DIP2B: variants seen among roughly 807,000 people sequenced by gnomAD.
The protein encoded by DIP2B is DIP2 acetate--CoA ligase B (putative).
In DIP2B, 76 loss-of-function variants were observed where a neutral mutation model predicts 198.0. The observed-to-expected ratio is 0.38, with a 90% CI of 0.32 to 0.46. The LOEUF (loss-of-function observed/expected upper bound fraction) is 0.46. Among genes scored for constraint, DIP2B ranks in the 20% least tolerant of loss-of-function variants. The probability of loss-of-function intolerance (pLI) is 0.99; values close to 1 mark genes in which losing one functional copy is unlikely to be tolerated. For missense variants in DIP2B, 1,559 were observed against 1,978.4 expected, an observed-to-expected ratio of 0.79 and a Z score of 4.02; for synonymous variants, 701 against 739.1, an observed-to-expected ratio of 0.95 and a Z score of 0.84.
At chr12:50,693,112 T>A in intron 14 of DIP2B, 99 bp downstream of exon 14, 3 of 1,189,976 alleles carry the variant, frequency 2.5e-6, no homozygotes, top group African/African-American at 1.6e-5. Flanking sequence ...GTTTGAAATT[T>A]AAATCCCCAA....
At chr12:50,729,114 C>T (rs1444715771) in intron 30 of DIP2B, among the ~76,000 whole-genome samples, 2 of 152,182 alleles carry the variant, frequency 1.3e-5, no homozygotes, top group Non-Finnish European at 2.9e-5. Context: ...TTGCAGAATA[C>T]AGATCCCAGC....
Position 50,505,024 on chromosome 12 carries a change from G to GCGGCGGCGGCGGCGGCGGCGGCGGCGC in DIP2B, c.-117_-116insCGGCGGCGGCGGCGGCGGCGGCGGCGC. 9.3e-7 allele frequency: 1 copy of GCGGCGGCGGCGGCGGCGGCGGCGGCGC among 1,076,116 alleles called. No homozygotes were observed. The allele number at this position is 1,076,116 out of a possible 1,614,324, so 66.7% of individuals were successfully genotyped here. A position where few individuals can be genotyped will look rare whatever the true frequency, so the allele number is the denominator to read the frequency against. On this transcript the variant is annotated 5_prime_UTR_variant, in exon 1 of 38. Coordinates refer to ENST00000301180, the MANE Select transcript of DIP2B (RefSeq NM_173602.3). Reference sequence around the variant, plus strand: ...CATGGCGGCGGCGGCGGCGGCGGCGGTGCTGGTGGTGCTCGGCGGCCGGAG... The same window carrying GCGGCGGCGGCGGCGGCGGCGGCGGCGC: ...CATGGCGGCGGCGGCGGCGGCGGCGGCGGCGGCGGCGGCGGCGGCGGCGGCGCTGCTGGTGGTGCTCGGCGGCCGGAG...
chr12:50,590,629 A>G (rs573048807), intron 1 of DIP2B, among the ~76,000 whole-genome samples: 1 of 152,274 alleles, frequency 6.6e-6, no homozygotes, highest in African/African-American at 2.4e-5. Context: ...CGGCCTCTCA[A>G]AGTGCTGGGA....
intron 1 of DIP2B, among the ~76,000 whole-genome samples, chr12:50,506,755 T>G (rs1379766374): frequency 6.6e-6 from 1 of 152,224 alleles, no homozygotes; most frequent in Non-Finnish European, 1.5e-5. Context: ...ATTCTGTCTC[T>G]CAAGATAACT....
In DIP2B at chr12:50,744,941, GCTACATGATATT is replaced by G. The variant is rs1940321797; in HGVS notation, c.*105_*116del. The G allele has an allele frequency of 7.3e-7, 1 of 1,369,862 alleles. No homozygotes were observed. Among genetic ancestry groups the G allele is most frequent in the African/African-American group, 1.4e-5 (1 of 69,342 alleles). 84.9% of individuals were successfully genotyped at this position (1,369,862 alleles called of 1,614,324 possible). A position where few individuals can be genotyped will look rare whatever the true frequency, so the allele number is the denominator to read the frequency against. Reference sequence around the variant, plus strand: ...AAACGATGTGAAATAAGCTGAGATGGCTACATGATATTCTTCATCTCATCCTGTGGGATTCTG... The same window carrying G: ...AAACGATGTGAAATAAGCTGAGATGGCTTCATCTCATCCTGTGGGATTCTG... On this transcript the variant is annotated 3_prime_UTR_variant, in exon 38 of 38. Coordinates refer to ENST00000301180, the MANE Select transcript of DIP2B (RefSeq NM_173602.3).
At chr12:50,528,830 G>C (rs576770885) in intron 1 of DIP2B, among the ~76,000 whole-genome samples, 7 of 152,184 alleles carry the variant, frequency 4.6e-5, no homozygotes, top group Non-Finnish European at 1.0e-4. Context: ...GGGCCAGGAA[G>C]ACAAGAGAGA....
intron 1 of DIP2B, among the ~76,000 whole-genome samples, chr12:50,616,514 C>T (rs916884284): frequency 6.6e-6 from 1 of 152,156 alleles, no homozygotes; most frequent in Non-Finnish European, 1.5e-5. Context: ...TTACTCTTTT[C>T]ATCATAGGAT....
At position 50,654,295 on chromosome 12, in the gene DIP2B, A is replaced by G. The variant is rs115818300; in HGVS notation, c.302-5899A>G. ...AAACCCATCTTTTGCATGGTTTAAA[A>G]AAAGCCATAAACAATGTCAAAAAAA... On this transcript the variant is annotated intron_variant, in intron 3 of 37. Transcript: ENST00000301180. 7.1e-3 allele frequency among the ~76,000 whole-genome samples: 1,076 copies of G among 152,238 alleles called. 16 individuals are homozygous for G. The highest frequency in any genetic ancestry group is 0.025 in the African/African-American group (1,037 of 41,538).
chr12:50,654,032 C>A (rs917382639), intron 3 of DIP2B, among the ~76,000 whole-genome samples: 1 of 151,776 alleles, frequency 6.6e-6, no homozygotes, highest in Non-Finnish European at 1.5e-5. Flanking sequence ...CGCTACCACA[C>A]CTGGCTACTT....
At chr12:50,513,005 TCAA>T (rs1173364114) in intron 1 of DIP2B, among the ~76,000 whole-genome samples, 9 of 152,114 alleles carry the variant, frequency 5.9e-5, no homozygotes, top group Non-Finnish European at 1.0e-4. Flanking sequence ...AGACACCATC[TCAA>T]CAACAACAAC....
chr12:50,639,460 C>CT (rs891467038), intron 2 of DIP2B, among the ~76,000 whole-genome samples: 28 of 148,826 alleles, frequency 1.9e-4, no homozygotes, highest in East Asian at 7.9e-4. Context: ...ATGCTACCTG[C>CT]TTTTTTTTTT....
chr12:50,581,369 C>A (rs1442228895), intron 1 of DIP2B, among the ~76,000 whole-genome samples: 1 of 149,454 alleles, frequency 6.7e-6, no homozygotes, highest in Non-Finnish European at 1.5e-5. Context: ...TATCCACCCT[C>A]CTGGGCAACC....
intron 1 of DIP2B, among the ~76,000 whole-genome samples, chr12:50,532,420 T>C (rs10876048): frequency 0.87 from 131,941 of 152,092 alleles, 58,493 homozygotes; most frequent in Non-Finnish European, 0.98. Context: ...GAGTCTGAGG[T>C]GGGAGGATCG....
chr12:50,714,036 G>T (rs1297690529), intron 22 of DIP2B, among the ~76,000 whole-genome samples: 5 of 152,202 alleles, frequency 3.3e-5, no homozygotes, highest in Non-Finnish European at 7.3e-5. Context: ...TAGGAATTTG[G>T]GGCTGTCATG....
At chr12:50,707,049 T>C (rs1358711748) in intron 21 of DIP2B, among the ~76,000 whole-genome samples, 2 of 152,362 alleles carry the variant, frequency 1.3e-5, no homozygotes, top group East Asian at 3.9e-4. Flanking sequence ...CATTTACATC[T>C]AAGAATTGTT....
chr12:50,721,185 T>G, intron 25 of DIP2B, 88 bp from the exon 26 acceptor site: 1 of 1,520,868 alleles, frequency 6.6e-7, no homozygotes, highest in South Asian at 1.3e-5. Flanking sequence ...AGCACAAGCC[T>G]TTCAGGTATG....
intron 1 of DIP2B, among the ~76,000 whole-genome samples, chr12:50,526,726 T>C: frequency 2.2e-4 from 1 of 4,480 alleles, no homozygotes; most frequent in Admixed American, 5.9e-3. Flanking sequence ...AACCTCTGCC[T>C]CCCGGGTTCA....
At chr12:50,570,092 T>TGTCA (rs1958600102) in intron 1 of DIP2B, among the ~76,000 whole-genome samples, 2 of 152,218 alleles carry the variant, frequency 1.3e-5, no homozygotes, top group Admixed American at 1.3e-4. Context: ...TGTGTCATGA[T>TGTCA]TGCTTTATCA....
chr12:50,692,882 A>G, intron 13 of DIP2B, 67 bp from the exon 14 acceptor site: 1 of 1,329,044 alleles, frequency 7.5e-7, no homozygotes, highest in East Asian at 2.3e-5. Context: ...TATAAGAGGC[A>G]AGTGACATAA....
Sources: gnomAD v4.1 joint callset for allele counts (sites outside exome capture counted in the v4.1 genomes callset) on GRCh38, gnomAD v4.1.1 for gene constraint, MANE v1.5 for transcripts, NCBI Gene and HGNC (gene_info 2026-07-23, HGNC 2026-07-21) for gene names.